Variants in GRID1 observed in about 807,000 individuals in gnomAD.
GRID1 encodes the protein glutamate ionotropic receptor delta type subunit 1, also known as glutamate receptor ionotropic, delta-1.
In GRID1, 28 loss-of-function variants were observed where a neutral mutation model predicts 98.0. The ratio of observed to expected loss-of-function variants is 0.29; its 90% CI spans 0.21 to 0.39. GRID1 has a LOEUF of 0.39. Ranked by LOEUF, GRID1 falls within the 10% of genes least tolerant of loss-of-function variation. The pLI is 1.00. For synonymous variants in GRID1, 553 were observed against 538.5 expected (o/e 1.03, Z -0.37); for missense variants, 1,111 against 1,340.5 (o/e 0.83, Z 2.67).
chr10:86,144,735 C>T (rs540913118), intron 3 of GRID1, among the ~76,000 whole-genome samples: 2 of 152,288 alleles, frequency 1.3e-5, no homozygotes, highest in East Asian at 3.9e-4. Context: ...CCCTTCTCCT[C>T]CTTCACACGC....
In GRID1 at chr10:85,649,662, C is replaced by T. The variant is rs945324838; in HGVS notation, c.1998-2265G>A. 4.6e-5 allele frequency among the ~76,000 whole-genome samples: 7 copies of T among 152,250 alleles called. No homozygotes were observed. In the East Asian group the frequency reaches 1.4e-3, roughly 29 times the overall value. On this transcript the variant is annotated intron_variant, in intron 12 of 15. Coordinates refer to ENST00000327946, the MANE Select transcript of GRID1 (RefSeq NM_017551.3). ...TGAATGGGTAACTGCCAGGGATCTCCAAACACTGTTTCATCCCCACATTTG... is the reference window on the plus strand; with the variant it reads ...TGAATGGGTAACTGCCAGGGATCTCTAAACACTGTTTCATCCCCACATTTG...
chr10:86,069,820 C>T (rs936158783), intron 4 of GRID1, among the ~76,000 whole-genome samples: 3 of 152,210 alleles, frequency 2.0e-5, no homozygotes, highest in Non-Finnish European at 4.4e-5. Flanking sequence ...TAACACTCCT[C>T]TATGCCTCAG....
chr10:86,010,726 G>T (rs771892090), intron 4 of GRID1, among the ~76,000 whole-genome samples: 1 of 151,500 alleles, frequency 6.6e-6, no homozygotes, highest in Non-Finnish European at 1.5e-5. Context: ...GCTGAGGCAG[G>T]AGAGTTGCTT....
chr10:85,986,615 G>A (rs1219238817), intron 4 of GRID1, among the ~76,000 whole-genome samples: 1 of 152,188 alleles, frequency 6.6e-6, no homozygotes, highest in Non-Finnish European at 1.5e-5. Context: ...GCAGGCAAGA[G>A]CAAGTCTGTG....
intron 14 of GRID1, among the ~76,000 whole-genome samples, chr10:85,619,172 C>A (rs1283046209): frequency 1.3e-5 from 2 of 152,174 alleles, no homozygotes; most frequent in African/African-American, 2.4e-5. Flanking sequence ...GCGACAGGAG[C>A]CCCTGTTTGC....
At chr10:85,610,133 C>T (rs1293417419) in intron 15 of GRID1, among the ~76,000 whole-genome samples, 1 of 152,226 alleles carries the variant, frequency 6.6e-6, no homozygotes, top group Non-Finnish European at 1.5e-5. Flanking sequence ...ATGAAACATT[C>T]AAAGATTAAC....
At chr10:85,817,408 C>A (rs1465630742) in intron 8 of GRID1, among the ~76,000 whole-genome samples, 1 of 152,018 alleles carries the variant, frequency 6.6e-6, no homozygotes, top group African/African-American at 2.4e-5. Context: ...TCCCTATGGT[C>A]CCAGCTACTC....
At chr10:86,156,316 G>A (rs1845245180) in intron 3 of GRID1, among the ~76,000 whole-genome samples, 1 of 152,228 alleles carries the variant, frequency 6.6e-6, no homozygotes, top group African/African-American at 2.4e-5. Flanking sequence ...CATGCACCCT[G>A]TGCCCCAGGC....
chr10:86,184,333 G>A (rs534129102), intron 3 of GRID1, among the ~76,000 whole-genome samples: 1 of 151,884 alleles, frequency 6.6e-6, no homozygotes, highest in East Asian at 1.9e-4. Context: ...CCTAACCTAG[G>A]GTCACAATGA....
intron 8 of GRID1, among the ~76,000 whole-genome samples, chr10:85,782,021 T>C (rs968738883): frequency 2.0e-5 from 3 of 152,218 alleles, no homozygotes; most frequent in African/African-American, 7.2e-5. Flanking sequence ...TTGTCAAAAT[T>C]AATCTTCCTA....
intron 12 of GRID1, among the ~76,000 whole-genome samples, chr10:85,696,850 C>A (rs1342340549): frequency 6.6e-6 from 1 of 151,780 alleles, no homozygotes; most frequent in African/African-American, 2.4e-5. Context: ...AATACTTTAG[C>A]TAAATATTTA....
chr10:86,095,780 C>CCAT (rs1408187428), intron 4 of GRID1, among the ~76,000 whole-genome samples: 18 of 152,316 alleles, frequency 1.2e-4, no homozygotes, highest in African/African-American at 3.8e-4. Flanking sequence ...TAAACTAGTA[C>CCAT]AGCCACTATG....
At chr10:86,305,044 G>T (rs1352396496) in intron 2 of GRID1, among the ~76,000 whole-genome samples, 1 of 151,434 alleles carries the variant, frequency 6.6e-6, no homozygotes, top group Non-Finnish European at 1.5e-5. Context: ...TTAATCAGTA[G>T]ATTCTGAGTA....
chr10:85,899,243 T>G (rs998451242), intron 5 of GRID1, among the ~76,000 whole-genome samples: 3 of 152,248 alleles, frequency 2.0e-5, no homozygotes, highest in Non-Finnish European at 4.4e-5. Flanking sequence ...AATAACAAGA[T>G]TTCCTTCCTT....
At position 85,727,072 on chromosome 10, in the gene GRID1, C is replaced by A. The variant is rs78392697; in HGVS notation, c.1533+783G>T. On this transcript the variant is annotated intron_variant, in intron 10 of 15. Coordinates refer to ENST00000327946, the MANE Select transcript of GRID1 (RefSeq NM_017551.3). ...AGAAGGACAACTTGTTGTGGTCATG[C>A]AGTGGGCTAGTGATGGTGACATGTA... Among the ~76,000 whole-genome samples the A allele has an allele frequency of 9.4e-4, 143 of 152,236 alleles. 1 individual carries two copies. Among genetic ancestry groups the A allele is most frequent in the African/African-American group, 3.4e-3 (140 of 41,536 alleles).
At chr10:86,039,740 G>A (rs923367396) in intron 4 of GRID1, among the ~76,000 whole-genome samples, 3 of 152,176 alleles carry the variant, frequency 2.0e-5, no homozygotes, top group Non-Finnish European at 2.9e-5. Flanking sequence ...TGCATTTGTC[G>A]GGAAATAGTG....
At chr10:86,308,799 G>A (rs971033957) in intron 2 of GRID1, among the ~76,000 whole-genome samples, 4 of 152,118 alleles carry the variant, frequency 2.6e-5, no homozygotes, top group African/African-American at 9.7e-5. Context: ...CACAAGGGCA[G>A]GAGAGCACGA....
At chr10:86,198,764 G>A (rs1440855778) in intron 3 of GRID1, among the ~76,000 whole-genome samples, 5 of 152,134 alleles carry the variant, frequency 3.3e-5, no homozygotes, top group African/African-American at 1.2e-4. Context: ...GACTGGAGGA[G>A]CAAACTGCCA....
Position 86,186,172 on chromosome 10 carries a change from A to G in GRID1, c.520+20192T>C, listed in dbSNP as rs1183895329. Among the ~76,000 whole-genome samples, 3 of 152,254 alleles carry G rather than the reference A, an allele frequency of 2.0e-5. No homozygotes were observed. In the East Asian group the frequency reaches 5.8e-4, roughly 29 times the overall value. ...TTTGTGTCTTTCAAGGAATTTGTCT[A>G]TTTCAGCTTAGTTGTCAAATGTGTT... On this transcript the variant is annotated intron_variant, in intron 3 of 15. Coordinates refer to ENST00000327946, the MANE Select transcript of GRID1 (RefSeq NM_017551.3).
Sources: allele counts gnomAD v4.1 joint callset (sites outside exome capture counted in the v4.1 genomes callset), GRCh38; gene constraint gnomAD v4.1.1; transcripts MANE v1.5; gene names NCBI Gene and HGNC (gene_info 2026-07-23, HGNC 2026-07-21).